Variants in ARHGAP10 observed in about 807,000 individuals in gnomAD.
ARHGAP10 encodes rho GTPase-activating protein 10.
In ARHGAP10, 87 loss-of-function variants were observed where a neutral mutation model predicts 108.6. The ratio of observed to expected loss-of-function variants is 0.80; its 90% CI spans 0.67 to 0.96. The LOEUF is 0.96. ARHGAP10 is among the 40% of genes least tolerant of loss of function. The probability of loss-of-function intolerance (pLI) is 0.00; values close to 1 mark genes in which losing one functional copy is unlikely to be tolerated. For synonymous variants in ARHGAP10, 347 were observed against 341.1 expected (o/e 1.02, Z -0.19); for missense variants, 939 against 954.5 (o/e 0.98, Z 0.21).
At chr4:148,047,869 G>A (rs1415589071) in intron 20 of ARHGAP10, among the ~76,000 whole-genome samples, 1 of 151,844 alleles carries the variant, frequency 6.6e-6, no homozygotes, top group Non-Finnish European at 1.5e-5. Context: ...GTTGCCCAGG[G>A]TGGAGTGCAG....
intron 20 of ARHGAP10, among the ~76,000 whole-genome samples, chr4:148,055,329 A>G (rs1488533387): frequency 2.0e-5 from 3 of 152,206 alleles, no homozygotes; most frequent in South Asian, 2.1e-4. Context: ...GCCTTCCTTC[A>G]TGGGGCTTGA....
At chr4:147,945,617 A>C (rs187065196) in intron 14 of ARHGAP10, among the ~76,000 whole-genome samples, 2 of 152,350 alleles carry the variant, frequency 1.3e-5, no homozygotes, top group Admixed American at 1.3e-4. Flanking sequence ...AATTTCAGAA[A>C]GATAGTCTAA....
At chr4:147,864,040 C>T (rs936406859) in intron 5 of ARHGAP10, 1 of 152,178 alleles carries the variant, frequency 6.6e-6, no homozygotes, top group Non-Finnish European at 1.5e-5. Context: ...TATATCCTCT[C>T]TGGAGAAATG....
At chr4:147,764,642 T>C (rs1470360636) in intron 1 of ARHGAP10, among the ~76,000 whole-genome samples, 1 of 152,168 alleles carries the variant, frequency 6.6e-6, no homozygotes. Flanking sequence ...CAAGGGATTC[T>C]CGTGCCTCAG....
chr4:147,873,445 G>A (rs893622577), intron 7 of ARHGAP10, among the ~76,000 whole-genome samples: 3 of 151,820 alleles, frequency 2.0e-5, no homozygotes, highest in Admixed American at 2.0e-4. Context: ...TACACACATG[G>A]GGGGAAATGA....
intron 14 of ARHGAP10, among the ~76,000 whole-genome samples, chr4:147,944,412 C>T (rs1303437298): frequency 2.0e-5 from 3 of 152,150 alleles, no homozygotes; most frequent in African/African-American, 4.8e-5. Context: ...AGTCTTCAGA[C>T]CTTTGAGTAA....
intron 1 of ARHGAP10, among the ~76,000 whole-genome samples, chr4:147,767,698 A>G (rs936271751): frequency 6.6e-6 from 1 of 152,082 alleles, no homozygotes; most frequent in Non-Finnish European, 1.5e-5. Flanking sequence ...ACTGCACTCC[A>G]CTCTGGGCAA....
Position 148,022,126 on chromosome 4 carries a change from A to G in ARHGAP10, c.1717-1137A>G, listed in dbSNP as rs552989253. Among the ~76,000 whole-genome samples the G allele has an allele frequency of 3.9e-5, 6 of 152,354 alleles. No homozygotes were observed. In the East Asian group the frequency reaches 1.2e-3, roughly 29 times the overall value. ...ACTTTTAATATAAAAAATATAAAACAGTGAGACATTCTCACAGTGCTTTTT... is the reference window on the plus strand; with the variant it reads ...ACTTTTAATATAAAAAATATAAAACGGTGAGACATTCTCACAGTGCTTTTT... On this transcript the variant is annotated intron_variant, in intron 18 of 22. Coordinates refer to ENST00000336498, the MANE Select transcript of ARHGAP10 (RefSeq NM_024605.4).
At chr4:147,886,878 C>A (rs1735590439) in intron 10 of ARHGAP10, among the ~76,000 whole-genome samples, 1 of 152,194 alleles carries the variant, frequency 6.6e-6, no homozygotes, top group Admixed American at 6.5e-5. Context: ...TCAAGCAATT[C>A]TTATGCCTTA....
chr4:147,837,930 T>A (rs1294688836), intron 3 of ARHGAP10, among the ~76,000 whole-genome samples: 1 of 152,120 alleles, frequency 6.6e-6, no homozygotes, highest in Non-Finnish European at 1.5e-5. Context: ...TAAAATTGTT[T>A]CAGACAACTT....
At chr4:147,906,470 A>T (rs928341879) in intron 10 of ARHGAP10, among the ~76,000 whole-genome samples, 168 bp from the exon 11 acceptor site, 1 of 152,214 alleles carries the variant, frequency 6.6e-6, no homozygotes, top group Non-Finnish European at 1.5e-5. Flanking sequence ...AACATATTTA[A>T]TGCCATTGAA....
intron 15 of ARHGAP10, among the ~76,000 whole-genome samples, chr4:147,949,543 A>T (rs927273390): frequency 7.9e-5 from 12 of 152,164 alleles, no homozygotes; most frequent in African/African-American, 2.9e-4. Context: ...TGCAGTACAT[A>T]GGACAGCCCA....
In ARHGAP10 at chr4:147,909,717, A is replaced by G. The variant is rs1736656638; in HGVS notation, c.1117-15A>G. 2 of 1,607,026 alleles carry G rather than the reference A, an allele frequency of 1.2e-6. No homozygotes were observed. Among genetic ancestry groups the G allele is most frequent in the Non-Finnish European group, 1.7e-6 (2 of 1,174,648 alleles). On this transcript the variant is annotated splice_polypyrimidine_tract_variant and intron_variant, in intron 11 of 22. Transcript: ENST00000336498. ...TTTGATTAAAAAATTCTGTTTTTCCATTCTCTTTTATTAGCTGTCCCATAG... is the reference window on the plus strand; with the variant it reads ...TTTGATTAAAAAATTCTGTTTTTCCGTTCTCTTTTATTAGCTGTCCCATAG...
intron 4 of ARHGAP10, among the ~76,000 whole-genome samples, chr4:147,850,763 G>T (rs1280015458): frequency 6.6e-6 from 1 of 152,192 alleles, no homozygotes; most frequent in Admixed American, 6.5e-5. Flanking sequence ...ACAGGTTGTT[G>T]CCTGATGCAT....
chr4:148,015,320 G>A (rs1215313817), intron 18 of ARHGAP10, among the ~76,000 whole-genome samples: 1 of 152,210 alleles, frequency 6.6e-6, no homozygotes, highest in African/African-American at 2.4e-5. Context: ...TGTGAGGCCT[G>A]TTCTGGGAGT....
chr4:147,818,062 A>G (rs1422502339), intron 1 of ARHGAP10, among the ~76,000 whole-genome samples: 1 of 151,940 alleles, frequency 6.6e-6, no homozygotes, highest in Non-Finnish European at 1.5e-5. Context: ...CAGGGAGTTG[A>G]TCCTTTGCCT....
intron 19 of ARHGAP10, among the ~76,000 whole-genome samples, chr4:148,035,258 G>A (rs1178584619): frequency 6.6e-6 from 1 of 151,994 alleles, no homozygotes; most frequent in Non-Finnish European, 1.5e-5. Context: ...TTAAATCTTT[G>A]GGCAACAGAA....
At chr4:147,930,494 C>A (rs1391785830) in intron 13 of ARHGAP10, among the ~76,000 whole-genome samples, 1 of 152,050 alleles carries the variant, frequency 6.6e-6, no homozygotes, top group Admixed American at 6.6e-5. Flanking sequence ...AACTTCTTGG[C>A]CTATTTAGTT....
At position 147,965,120 on chromosome 4, in the gene ARHGAP10, A is replaced by G. The variant is rs1467153306; in HGVS notation, c.1547A>G (p.His516Arg). ...GAGATGTTGGATATTTTGGTGAAAC[A>G]CTTAACAAAGTAAGCCTCTTTTTCT... Reference protein sequence around the residue: ...NKEMLDILVKHLTNVSNHSKQ... With the variant: ...NKEMLDILVKRLTNVSNHSKQ... The change falls in exon 17 of 23, where the codon CAC becomes CGC. Residue 516 changes from histidine (H) to arginine (R), a missense_variant. Transcript: ENST00000336498. 1.2e-6 allele frequency: 2 copies of G among 1,601,106 alleles called. No individual in the cohort carries two copies. The highest frequency in any genetic ancestry group is 1.3e-5 in the African/African-American group (1 of 74,318).
Sources: allele counts gnomAD v4.1 joint callset (sites outside exome capture counted in the v4.1 genomes callset), GRCh38; gene constraint gnomAD v4.1.1; transcripts MANE v1.5; gene names NCBI Gene and HGNC (gene_info 2026-07-23, HGNC 2026-07-21).